The following LAMA2 variants were observed in gnomAD, a reference collection of about 807,000 sequenced individuals.
The protein encoded by LAMA2 is laminin subunit alpha-2.
In LAMA2, 269 loss-of-function variants were observed where a neutral mutation model predicts 364.8. That is an observed-to-expected ratio of 0.74 (90% CI 0.67 to 0.82). The LOEUF (loss-of-function observed/expected upper bound fraction) is 0.82, where lower values mean the gene tolerates loss of function less well. Ranked by LOEUF, LAMA2 falls within the 40% of genes least tolerant of loss-of-function variation. The probability of loss-of-function intolerance (pLI) is 0.00; values close to 1 mark genes in which losing one functional copy is unlikely to be tolerated. For missense variants in LAMA2, 3,807 were observed against 3,873.2 expected, an observed-to-expected ratio of 0.98 and a Z score of 0.45; for synonymous variants, 1,379 against 1,370.6, an observed-to-expected ratio of 1.01 and a Z score of -0.14.
intron 1 of LAMA2, among the ~76,000 whole-genome samples, chr6:128,902,414 T>G (rs1259730513): frequency 6.6e-6 from 1 of 152,058 alleles, no homozygotes; most frequent in South Asian, 2.1e-4. Context: ...AACACATAAT[T>G]TTGAGACAAA....
In LAMA2 at chr6:128,959,661, C is replaced by T. The variant is rs544182566; in HGVS notation, c.112+76304C>T. Among the ~76,000 whole-genome samples the T allele has an allele frequency of 4.6e-5, 7 of 152,198 alleles. No individual in the cohort carries two copies. In the East Asian group the frequency reaches 5.8e-4, roughly 13 times the overall value. ...CTAAGATTTACCATTCCCAATGAGC[C>T]GCCTCTTGTCCTTTTATTTATTTTT... On this transcript the variant is annotated intron_variant, in intron 1 of 64. Coordinates refer to ENST00000421865, the MANE Select transcript of LAMA2 (RefSeq NM_000426.4).
intron 9 of LAMA2, among the ~76,000 whole-genome samples, chr6:129,169,475 T>C (rs370420832): frequency 2.7e-5 from 4 of 150,116 alleles, no homozygotes; most frequent in Middle Eastern, 3.2e-3. Flanking sequence ...TATTGATTTG[T>C]GTATATTGAA....
At chr6:129,144,586 G>A (rs1476050137) in intron 5 of LAMA2, among the ~76,000 whole-genome samples, 2 of 151,864 alleles carry the variant, frequency 1.3e-5, no homozygotes, top group African/African-American at 4.8e-5. Context: ...GGAAATATAG[G>A]TTATGATTCA....
intron 45 of LAMA2, among the ~76,000 whole-genome samples, chr6:129,451,854 G>A (rs138025571): frequency 2.0e-5 from 3 of 152,272 alleles, no homozygotes; most frequent in African/African-American, 4.8e-5. Flanking sequence ...TGATCATATG[G>A]AGGCTGTTTT....
intron 36 of LAMA2, among the ~76,000 whole-genome samples, chr6:129,392,553 T>A (rs1421771683): frequency 6.6e-6 from 1 of 152,190 alleles, no homozygotes; most frequent in African/African-American, 2.4e-5. Context: ...ATCCAAAAAC[T>A]TCCAGATCAA....
chr6:129,371,858 T>TG (rs995632494), intron 34 of LAMA2, among the ~76,000 whole-genome samples: 9 of 152,102 alleles, frequency 5.9e-5, no homozygotes, highest in East Asian at 3.9e-4. Flanking sequence ...TCGCCTGCCT[T>TG]GGCCTCCCAA....
At chr6:129,367,563 A>G (rs1245311576) in intron 33 of LAMA2, among the ~76,000 whole-genome samples, 1 of 152,238 alleles carries the variant, frequency 6.6e-6, no homozygotes, top group Non-Finnish European at 1.5e-5. Context: ...ACACAATTTT[A>G]GTAGAGAAGT....
At chr6:129,383,346 G>A in intron 35 of LAMA2, 113 bp downstream of exon 35, 1 of 872,910 alleles carries the variant, frequency 1.1e-6, no homozygotes, top group Non-Finnish European at 1.9e-6. Flanking sequence ...AAAATCAAAG[G>A]TAGAGTTTCA....
intron 55 of LAMA2, among the ~76,000 whole-genome samples, chr6:129,483,834 A>G (rs764541244): frequency 6.6e-6 from 1 of 152,220 alleles, no homozygotes; most frequent in Non-Finnish European, 1.5e-5. Context: ...GCATTTGACA[A>G]TAAGTGGCAT....
intron 40 of LAMA2, among the ~76,000 whole-genome samples, chr6:129,406,980 C>A (rs757178675): frequency 3.3e-5 from 5 of 152,132 alleles, no homozygotes; most frequent in Non-Finnish European, 5.9e-5. Flanking sequence ...AATCCAAAAG[C>A]TGAAGAACTT....
chr6:129,229,161 G>T (rs1258396931), intron 12 of LAMA2, among the ~76,000 whole-genome samples: 1 of 152,136 alleles, frequency 6.6e-6, no homozygotes, highest in Non-Finnish European at 1.5e-5. Context: ...ATATTAATTA[G>T]ATAAGCACAT....
intron 3 of LAMA2, among the ~76,000 whole-genome samples, chr6:129,092,619 C>T (rs975465979): frequency 1.3e-5 from 2 of 152,202 alleles, no homozygotes; most frequent in East Asian, 1.9e-4. Context: ...GAAGCATTTT[C>T]GTTCCATGCA....
intron 40 of LAMA2, among the ~76,000 whole-genome samples, chr6:129,410,120 A>G (rs1258827265): frequency 6.6e-6 from 1 of 152,190 alleles, no homozygotes; most frequent in East Asian, 1.9e-4. Context: ...ACAAACAAAT[A>G]AAATAAGACT....
intron 10 of LAMA2, among the ~76,000 whole-genome samples, chr6:129,182,707 G>GTAAGT (rs1394449803): frequency 6.6e-6 from 1 of 151,664 alleles, no homozygotes. Flanking sequence ...CACTTGTAGG[G>GTAAGT]TAAGTACTAA....
chr6:129,310,576 G>C (rs1774156196), intron 22 of LAMA2, among the ~76,000 whole-genome samples: 1 of 152,166 alleles, frequency 6.6e-6, no homozygotes, highest in Non-Finnish European at 1.5e-5. Flanking sequence ...GTAATGCCAA[G>C]TCATGCTCTG....
At chr6:128,965,986 T>C (rs1056935814) in intron 1 of LAMA2, among the ~76,000 whole-genome samples, 1 of 149,662 alleles carries the variant, frequency 6.7e-6, no homozygotes, top group African/African-American at 2.4e-5. Context: ...GAGGTTTTTT[T>C]TTTTTTTTTT....
chr6:129,377,506 G>A (rs955599654), intron 34 of LAMA2, among the ~76,000 whole-genome samples: 1 of 152,078 alleles, frequency 6.6e-6, no homozygotes, highest in African/African-American at 2.4e-5. Context: ...CATTCCACGG[G>A]GTCAGCTGGT....
At chr6:128,956,430 A>T (rs1002417709) in intron 1 of LAMA2, among the ~76,000 whole-genome samples, 1 of 152,014 alleles carries the variant, frequency 6.6e-6, no homozygotes, top group African/African-American at 2.4e-5. Flanking sequence ...GTAGATTGGT[A>T]GTAAATTTTT....
At chr6:129,260,285 C>T (rs1341310606) in intron 14 of LAMA2, among the ~76,000 whole-genome samples, 2 of 152,058 alleles carry the variant, frequency 1.3e-5, no homozygotes, top group African/African-American at 4.8e-5. Flanking sequence ...TCTTTTATTT[C>T]AATTTAAAAG....
Sources: gnomAD v4.1 joint callset for allele counts (sites outside exome capture counted in the v4.1 genomes callset) on GRCh38, gnomAD v4.1.1 for gene constraint, MANE v1.5 for transcripts, NCBI Gene and HGNC (gene_info 2026-07-23, HGNC 2026-07-21) for gene names.